TBCK: variants seen among roughly 807,000 people sequenced by gnomAD.
TBCK encodes the protein TBC domain-containing protein kinase-like protein.
In TBCK, 99 loss-of-function variants were observed where a neutral mutation model predicts 113.4. The ratio of observed to expected loss-of-function variants is 0.87; its 90% confidence interval spans 0.74 to 1.03. The LOEUF is 1.03. TBCK is among the 50% of genes least tolerant of loss of function. TBCK has a pLI of 0.00. For synonymous variants in TBCK, 369 were observed against 370.8 expected (o/e 1.00, Z 0.05); for missense variants, 1,045 against 1,061.3 (o/e 0.98, Z 0.21).
intron 20 of TBCK, among the ~76,000 whole-genome samples, chr4:106,212,099 C>T (rs1461361396): frequency 6.6e-6 from 1 of 152,040 alleles, no homozygotes; most frequent in Admixed American, 6.6e-5. Flanking sequence ...CCACTTGCAT[C>T]CCCATCACCA....
At chr4:106,306,237 T>TTA (rs1491126299) in intron 2 of TBCK, among the ~76,000 whole-genome samples, 3 of 72,488 alleles carry the variant, frequency 4.1e-5, no homozygotes, top group African/African-American at 1.5e-4. Context: ...GCCTGGCTAA[T>TTA]TTTTTTTTTT....
In TBCK at chr4:106,045,639, A is replaced by G. The variant is rs535408769; in HGVS notation, c.*931T>C. 6.6e-6 allele frequency: 1 copy of G among 152,336 alleles called. No individual in the cohort carries two copies. The highest frequency in any genetic ancestry group is 2.1e-4 in the South Asian group (1 of 4,822). 9.4% of individuals were successfully genotyped at this position (152,336 alleles called of 1,614,324 possible). A position where few individuals can be genotyped will look rare whatever the true frequency, so the allele number is the denominator to read the frequency against. On this transcript the variant is annotated 3_prime_UTR_variant, in exon 26 of 26. Transcript: ENST00000394708. ...CTTCTGGTTTATGACCTTAAAGGGAAGGAGTGTGCTTCGCTTCTTTTCCTT... is the reference window on the plus strand; with the variant it reads ...CTTCTGGTTTATGACCTTAAAGGGAGGGAGTGTGCTTCGCTTCTTTTCCTT...
Position 106,202,182 on chromosome 4 carries a change from T to C in TBCK, c.1861-7428A>G, listed in dbSNP as rs1292201849. The stretch of plus-strand genomic sequence containing the variant: ...AGTCATATAACAAAAGATACACACT[T>C]TTTTTTTTTTAAATTAGGAGAGGCA... On this transcript the variant is annotated intron_variant, in intron 20 of 25. Coordinates refer to ENST00000394708, the MANE Select transcript of TBCK (RefSeq NM_001163435.3). Among the ~76,000 whole-genome samples the C allele has an allele frequency of 3.2e-3, 3 of 946 alleles. No individual in the cohort carries two copies. In the Non-Finnish European group the frequency reaches 0.033, roughly 10 times the overall value. 0.6% of individuals were successfully genotyped at this position (946 alleles called of 152,430 possible).
intron 2 of TBCK, among the ~76,000 whole-genome samples, chr4:106,305,579 G>A (rs1409029957): frequency 6.6e-6 from 1 of 152,106 alleles, no homozygotes; most frequent in Non-Finnish European, 1.5e-5. Flanking sequence ...CTGGAGTGCA[G>A]TGGCATGACT....
At position 106,236,745 on chromosome 4, in the gene TBCK, C is replaced by T; in HGVS notation, c.1220+14G>A. 2 of 1,410,216 alleles carry T rather than the reference C, an allele frequency of 1.4e-6. No individual in the cohort carries two copies. The highest frequency in any genetic ancestry group is 9.5e-7 in the Non-Finnish European group (1 of 1,052,556). 87.4% of individuals were successfully genotyped at this position (1,410,216 alleles called of 1,614,324 possible). A position where few individuals can be genotyped will look rare whatever the true frequency, so the allele number is the denominator to read the frequency against. ...AAAGAAAAATAAATCTAAAATGAGA[C>T]TACATATACTCACTCATCTTCAAGT... On this transcript the variant is annotated intron_variant, in intron 13 of 25. Transcript: ENST00000394708.
chr4:106,173,420 A>C (rs1254577052), intron 22 of TBCK, among the ~76,000 whole-genome samples: 1 of 152,162 alleles, frequency 6.6e-6, no homozygotes, highest in Admixed American at 6.5e-5. Flanking sequence ...CTGTCTACTT[A>C]ACACAGTTTA....
At chr4:106,280,427 C>T (rs929948680) in intron 3 of TBCK, among the ~76,000 whole-genome samples, 1 of 152,042 alleles carries the variant, frequency 6.6e-6, no homozygotes, top group Non-Finnish European at 1.5e-5. Context: ...AGCTTTTTAA[C>T]TTGATGTGAT....
intron 23 of TBCK, among the ~76,000 whole-genome samples, chr4:106,155,594 C>T (rs1031853070): frequency 6.6e-6 from 1 of 151,940 alleles, no homozygotes; most frequent in Non-Finnish European, 1.5e-5. Context: ...CTTTTGTCTC[C>T]TCTGACTGTG....
chr4:106,122,447 C>G (rs1744543802), intron 23 of TBCK, among the ~76,000 whole-genome samples: 1 of 152,114 alleles, frequency 6.6e-6, no homozygotes, highest in Admixed American at 6.5e-5. Flanking sequence ...ACCAGAGGTA[C>G]AAGGAGGAAC....
At chr4:106,160,611 G>C (rs1269668876) in intron 23 of TBCK, among the ~76,000 whole-genome samples, 1 of 151,796 alleles carries the variant, frequency 6.6e-6, no homozygotes, top group Non-Finnish European at 1.5e-5. Context: ...AATCAAAATA[G>C]AAAAGTGTTC....
At chr4:106,246,406 A>C (rs1760817849) in intron 10 of TBCK, among the ~76,000 whole-genome samples, 1 of 152,174 alleles carries the variant, frequency 6.6e-6, no homozygotes, top group Admixed American at 6.6e-5. Flanking sequence ...CAAGAGTCGT[A>C]ATCTTCACAC....
chr4:106,198,604 T>G (rs1754523651), intron 20 of TBCK, among the ~76,000 whole-genome samples: 1 of 152,126 alleles, frequency 6.6e-6, no homozygotes, highest in South Asian at 2.1e-4. Flanking sequence ...ATGATACCTA[T>G]CCCACTATGC....
chr4:106,116,658 G>A (rs4508971), intron 23 of TBCK, among the ~76,000 whole-genome samples: 60,372 of 151,826 alleles, frequency 0.4, 12,293 homozygotes, highest in South Asian at 0.47. Context: ...CCATTGCTCC[G>A]TTATAGTCCG....
intron 23 of TBCK, among the ~76,000 whole-genome samples, chr4:106,147,685 T>C (rs1310753497): frequency 6.6e-6 from 1 of 152,018 alleles, no homozygotes; most frequent in Non-Finnish European, 1.5e-5. Context: ...CCGAGGAGGA[T>C]GTATGTCCCC....
chr4:106,216,646 A>C (rs1339080289), intron 19 of TBCK, among the ~76,000 whole-genome samples: 1 of 152,188 alleles, frequency 6.6e-6, no homozygotes, highest in Non-Finnish European at 1.5e-5. Context: ...TGACACATAC[A>C]CTCTCCCAAG....
chr4:106,315,662 G>C (rs1323594549), intron 1 of TBCK: 1 of 152,180 alleles, frequency 6.6e-6, no homozygotes, highest in Non-Finnish European at 1.5e-5. Context: ...GCGGATTCTA[G>C]ATTCTCTAAC....
At position 106,205,208 on chromosome 4, in the gene TBCK, A is replaced by G. The variant is rs562349433; in HGVS notation, c.1860+7542T>C. Among the ~76,000 whole-genome samples the G allele has an allele frequency of 1.3e-4, 20 of 152,278 alleles. No individual in the cohort carries two copies. The South Asian group carries it at 2.3e-3, about 17-fold the overall frequency. On this transcript the variant is annotated intron_variant, in intron 20 of 25. Transcript: ENST00000394708. ...TTCCCAATACTTAATCACTTTTTGG[A>G]GAAGACCTGTTGTGATATTAATAAA...
At chr4:106,251,109 T>C (rs192320472) in intron 6 of TBCK, 2 of 390,004 alleles carry the variant, frequency 5.1e-6, no homozygotes, top group South Asian at 2.0e-5. Context: ...GCAATGATTG[T>C]GTGCCAAATT....
At chr4:106,242,260 C>T (rs1459635665) in intron 12 of TBCK, among the ~76,000 whole-genome samples, 17 of 151,848 alleles carry the variant, frequency 1.1e-4, no homozygotes, top group African/African-American at 3.9e-4. Flanking sequence ...CCAATGATGG[C>T]GAAAAGATAA....
Sources: allele counts gnomAD v4.1 joint callset (sites outside exome capture counted in the v4.1 genomes callset), GRCh38; gene constraint gnomAD v4.1.1; transcripts MANE v1.5; gene names NCBI Gene and HGNC (gene_info 2026-07-23, HGNC 2026-07-21).